Variants in TMEM126B observed in about 807,000 individuals in gnomAD.
The protein encoded by TMEM126B is transmembrane protein 126B.
TMEM126B carries 19 observed loss-of-function variants against 16.5 expected under a neutral mutation model. The ratio of observed to expected loss-of-function variants is 1.15; its 90% CI spans 0.80 to 1.69. The LOEUF is 1.69. Among genes scored for constraint, TMEM126B ranks in the 40% most tolerant of loss-of-function variants. TMEM126B has a pLI of 0.00. For synonymous variants in TMEM126B, 104 were observed against 93.2 expected (o/e 1.12, Z -0.67); for missense variants, 293 against 278.7 (o/e 1.05, Z -0.37).
At chr11:85,631,058 GT>G in intron 1 of TMEM126B, 1 of 1,032,206 alleles carries the variant, frequency 9.7e-7, no homozygotes, top group Non-Finnish European at 1.3e-6. Context: ...TCCACTGCCT[GT>G]TCCCTTCCTG....
chr11:85,631,058 G>A (rs1227466776), intron 1 of TMEM126B: 1 of 1,032,206 alleles, frequency 9.7e-7, no homozygotes, highest in Non-Finnish European at 1.3e-6. Flanking sequence ...TCCACTGCCT[G>A]TTCCCTTCCT....
rs1034625521 is a variant in TMEM126B at position 85,636,151 on chromosome 11, T to G, written c.615T>G (p.Ile205Met). The G allele has an allele frequency of 1.9e-6, 3 of 1,612,226 alleles. No individual in the cohort carries two copies. Among genetic ancestry groups the G allele is most frequent in the African/African-American group, 1.3e-5 (1 of 74,834 alleles). The change falls in exon 5 of 5, where the codon ATT becomes ATG. Residue 205 changes from isoleucine to methionine, a missense_variant. Coordinates refer to ENST00000358867, the MANE Select transcript of TMEM126B (RefSeq NM_018480.7). ...KLMAIPLVFQ[I>M]MFGILNGLYH... ...TGGCGATTCCTCTAGTCTTTCAGATTATGTTTGGAATATTAAATGGTCTAT... is the reference window on the plus strand; with the variant it reads ...TGGCGATTCCTCTAGTCTTTCAGATGATGTTTGGAATATTAAATGGTCTAT...
chr11:85,634,636 T>G (rs910273798), intron 3 of TMEM126B: 2 of 194,266 alleles, frequency 1.0e-5, no homozygotes, highest in African/African-American at 4.8e-5. Context: ...GAGCCTCCGT[T>G]GTCTTATCTA....
intron 3 of TMEM126B, 56 bp downstream of exon 3, chr11:85,634,335 T>A: frequency 7.9e-7 from 1 of 1,264,172 alleles, no homozygotes; most frequent in Non-Finnish European, 1.1e-6. Context: ...AGTTACTTAT[T>A]AACATATACT....
At chr11:85,633,550 C>G (rs1383646967) in intron 2 of TMEM126B, among the ~76,000 whole-genome samples, 1 of 152,128 alleles carries the variant, frequency 6.6e-6, no homozygotes, top group Admixed American at 6.5e-5. Flanking sequence ...TCTCTGATGG[C>G]CAGTGATGGT....
At chr11:85,632,189 A>C (rs1190139973) in intron 2 of TMEM126B, among the ~76,000 whole-genome samples, 3 of 152,242 alleles carry the variant, frequency 2.0e-5, no homozygotes, top group Non-Finnish European at 4.4e-5. Context: ...CACAGTACTT[A>C]GTACAGCAAA....
In TMEM126B at chr11:85,628,646, G is replaced by A. The variant is rs2082142359; in HGVS notation, c.39G>A (p.Arg13=). Residue 13 remains arginine (R), a synonymous_variant, in exon 1 of 5, where the codon AGG becomes AGA. Transcript: ENST00000358867. ...VFGYEAGTKP[R]DSGVVPVGTE... Reference sequence around the variant, plus strand: ...GGTATGAGGCTGGGACTAAGCCAAGGGATTCAGGTGTGGTGCCGGTGGGAA... The same window carrying A: ...GGTATGAGGCTGGGACTAAGCCAAGAGATTCAGGTGTGGTGCCGGTGGGAA... The A allele has an allele frequency of 1.3e-6, 2 of 1,536,196 alleles. No homozygotes were observed. The highest frequency in any genetic ancestry group is 1.4e-5 in the African/African-American group (1 of 73,178).
intron 1 of TMEM126B, chr11:85,631,027 A>G (rs941366975): frequency 6.3e-6 from 4 of 630,352 alleles, no homozygotes; most frequent in Non-Finnish European, 9.9e-6. Context: ...TAATTTATGT[A>G]CTCCAAAGTA....
At chr11:85,634,557 G>A (rs1375120438) in intron 3 of TMEM126B, 4 of 304,614 alleles carry the variant, frequency 1.3e-5, no homozygotes, top group Non-Finnish European at 2.5e-5. Flanking sequence ...GGCATACAAC[G>A]CACATCATTT....
chr11:85,635,967 T>C (rs900402020), intron 4 of TMEM126B, 79 bp from the exon 5 acceptor site: 16 of 1,422,028 alleles, frequency 1.1e-5, no homozygotes, highest in Non-Finnish European at 1.5e-5. Context: ...AGAAAGGCAA[T>C]TATCAATTTA....
At chr11:85,629,005 TA>T (rs1180817517) in intron 1 of TMEM126B, 2 of 489,088 alleles carry the variant, frequency 4.1e-6, no homozygotes, top group Non-Finnish European at 7.9e-6. Flanking sequence ...CTCTTTCGGT[TA>T]TTGATTTAAA....
At chr11:85,628,790 A>G in intron 1 of TMEM126B, 102 bp downstream of exon 1, 2 of 1,202,310 alleles carry the variant, frequency 1.7e-6, no homozygotes, top group Admixed American at 4.0e-5. Flanking sequence ...TGAAAAGTTA[A>G]AACAGCTCCC....
In TMEM126B at chr11:85,631,703, C is replaced by A. The variant is rs769843609; in HGVS notation, c.98C>A (p.Ala33Glu). The change falls in exon 2 of 5, where the codon GCA becomes GAA. Residue 33 changes from alanine (A) to glutamate (E), a missense_variant. Transcript: ENST00000358867. ...EEAPKVFKMAASMHGQPSPSL... is the reference protein window; with the variant it reads ...EEAPKVFKMAESMHGQPSPSL... ...TTTTTCCAGGTTTTCAAGATGGCAG[C>A]ATCTATGCATGGTCAGCCCAGTCCT... The A allele has an allele frequency of 6.2e-7, 1 of 1,610,448 alleles. No homozygotes were observed. Among genetic ancestry groups the A allele is most frequent in the Admixed American group, 1.7e-5 (1 of 58,940 alleles).
At chr11:85,635,550 T>G (rs2082382008) in intron 3 of TMEM126B, 117 bp from the exon 4 acceptor site, 3 of 624,764 alleles carry the variant, frequency 4.8e-6, no homozygotes, top group East Asian at 2.9e-5. Context: ...TTTCTAATAT[T>G]CTTTCTATGG....
Position 85,634,272 on chromosome 11 carries a change from G to C in TMEM126B, c.390G>C (p.Leu130Phe). The change falls in exon 3 of 5, where the codon TTG becomes TTC. Residue 130 changes from leucine to phenylalanine, a missense_variant. By Grantham distance (22) the Leu-to-Phe change is conservative. Transcript: ENST00000358867. ...VTDKLFVIDA[L>F]YSDNISKENC... ...ACAAGCTTTTTGTAATTGATGCTTTGTATTCAGGTGAATTTAAATTCACTA... is the reference window on the plus strand; with the variant it reads ...ACAAGCTTTTTGTAATTGATGCTTTCTATTCAGGTGAATTTAAATTCACTA... The C allele has an allele frequency of 6.2e-7, 1 of 1,611,154 alleles. No homozygotes were observed. Among genetic ancestry groups the C allele is most frequent in the Non-Finnish European group, 8.5e-7 (1 of 1,178,558 alleles).
intron 1 of TMEM126B, 105 bp downstream of exon 1, chr11:85,628,793 C>T: frequency 8.4e-7 from 1 of 1,184,808 alleles, no homozygotes; most frequent in Non-Finnish European, 1.2e-6. Context: ...AAAGTTAAAA[C>T]AGCTCCCAAG....
At position 85,628,630 on chromosome 11, in the gene TMEM126B, C is replaced by T. The variant is rs900327286; in HGVS notation, c.23C>T (p.Ala8Val). 3 of 1,536,030 alleles carry T rather than the reference C, an allele frequency of 2.0e-6. No homozygotes were observed. The highest frequency in any genetic ancestry group is 1.2e-5 in the South Asian group (1 of 84,074). MVVFGYE[A>V]GTKPRDSGVV... ...AAAATGGTGGTGTTCGGGTATGAGGCTGGGACTAAGCCAAGGGATTCAGGT... is the reference window on the plus strand; with the variant it reads ...AAAATGGTGGTGTTCGGGTATGAGGTTGGGACTAAGCCAAGGGATTCAGGT... Residue 8 changes from alanine (A) to valine (V), a missense_variant, in exon 1 of 5, where the codon GCT (alanine) becomes GTT (valine). Ala to Val is a moderately conservative substitution (Grantham distance 64). Transcript: ENST00000358867.
rs2082356008 is a variant in TMEM126B at position 85,634,152 on chromosome 11, C to G, written c.270C>G (p.Asn90Lys). 6.2e-7 allele frequency: 1 copy of G among 1,613,752 alleles called. No homozygotes were observed. The highest frequency in any genetic ancestry group is 8.5e-7 in the Non-Finnish European group (1 of 1,179,854). ...TTAGFSGIFS[N>K]FLFRRCFKVK... ...CTGGTTTCTCTGGAATATTCTCAAA[C>G]TTCCTGTTCAGACGCTGCTTCAAGG... Residue 90 changes from asparagine to lysine, a missense_variant, in exon 3 of 5, where the codon AAC (asparagine) becomes AAG (lysine). Coordinates refer to ENST00000358867, the MANE Select transcript of TMEM126B (RefSeq NM_018480.7).
rs2082405113 is a variant in TMEM126B at position 85,636,359 on chromosome 11, A to G, written c.*130A>G. On this transcript the variant is annotated 3_prime_UTR_variant, in exon 5 of 5. Transcript: ENST00000358867. ...TGTGCCTTTTGCCTGGTATATAGCA[A>G]ATACTCAAAAAGTATTCAATAATTC... is the stretch of plus-strand genomic sequence containing the variant. 2 of 554,850 alleles carry G rather than the reference A, an allele frequency of 3.6e-6. No homozygotes were observed. Among genetic ancestry groups the G allele is most frequent in the East Asian group, 3.2e-5 (1 of 31,182 alleles). The allele number at this position is 554,850 out of a possible 1,614,324, so 34.4% of individuals were successfully genotyped here.
Sources: gnomAD v4.1 joint callset for allele counts (sites outside exome capture counted in the v4.1 genomes callset) on GRCh38, gnomAD v4.1.1 for gene constraint, MANE v1.5 for transcripts, NCBI Gene and HGNC (gene_info 2026-07-23, HGNC 2026-07-21) for gene names.